The following NECTIN4 variants were observed in gnomAD, a reference collection of about 807,000 sequenced individuals.
NECTIN4 encodes nectin-4.
A neutral mutation model predicts 51.7 loss-of-function variants in NECTIN4; 19 were observed. The ratio of observed to expected loss-of-function variants is 0.37; its 90% CI spans 0.26 to 0.54. The LOEUF (loss-of-function observed/expected upper bound fraction) is 0.54. Ranked by LOEUF, NECTIN4 falls within the 20% of genes least tolerant of loss-of-function variation. NECTIN4 has a pLI of 0.86. For synonymous variants in NECTIN4, 283 were observed against 286.9 expected, an observed-to-expected ratio of 0.99 and a Z score of 0.14; for missense variants, 619 against 662.4, an observed-to-expected ratio of 0.93 and a Z score of 0.72.
At chr1:161,076,876 A>G (rs1410054376) in intron 3 of NECTIN4, among the ~76,000 whole-genome samples, 1 of 152,204 alleles carries the variant, frequency 6.6e-6, no homozygotes, top group Non-Finnish European at 1.5e-5. Context: ...TTTGTTGAGG[A>G]CCTGCTTTGA....
At position 161,079,748 on chromosome 1, in the gene NECTIN4, T is replaced by G. The variant is rs1450262087; in HGVS notation, c.281A>C (p.Tyr94Ser). The G allele has an allele frequency of 6.2e-7, 1 of 1,611,378 alleles. No homozygotes were observed. Among genetic ancestry groups the G allele is most frequent in the Non-Finnish European group, 8.5e-7 (1 of 1,179,906 alleles). ...CGGCGGCTGCTCCACGCGGCCCTCG[T>G]AAGCCGGGCTCACATGAAGCCCGTA... ...SKYGLHVSPA[Y>S]EGRVEQPPPP... The change falls in exon 2 of 9, where the codon TAC (tyrosine) becomes TCC (serine). Residue 94 changes from tyrosine to serine, a missense_variant. Tyr to Ser is a moderately radical substitution (Grantham distance 144). Transcript: ENST00000368012.
rs139761589 is a variant in NECTIN4, at chr1:161,072,795, G to A, written c.1399C>T (p.Arg467Trp). The A allele has an allele frequency of 5.1e-5, 82 of 1,614,180 alleles. No individual in the cohort carries two copies. In the South Asian group the frequency reaches 5.4e-4, roughly 11 times the overall value. Reference sequence around the variant, plus strand: ...TCCTGATCTTCCTCCTCCTCGGCCCGCCCAGAGCCTGGAGACAGCAGTTCA... The same window carrying A: ...TCCTGATCTTCCTCCTCCTCGGCCCACCCAGAGCCTGGAGACAGCAGTTCA... The part of the protein sequence containing the change: ...QTELLSPGSG[R>W]AEEEEDQDEG... The change falls in exon 9 of 9, where the codon CGG (arginine) becomes TGG (tryptophan). Residue 467 changes from arginine to tryptophan, a missense_variant. This residue lies in a region of NECTIN4 where 364 missense variants were observed against 415.7 expected (regional missense o/e 0.88). Coordinates refer to ENST00000368012, the MANE Select transcript of NECTIN4 (RefSeq NM_030916.3).
intron 1 of NECTIN4, among the ~76,000 whole-genome samples, chr1:161,082,134 G>GACCAA (rs1469663189): frequency 1.3e-5 from 2 of 152,086 alleles, no homozygotes; most frequent in Admixed American, 1.3e-4. Context: ...TTTGAGACCA[G>GACCAA]CCTGGCCAAA....
At chr1:161,074,997 C>A (rs904074170) in intron 4 of NECTIN4, among the ~76,000 whole-genome samples, 4 of 152,220 alleles carry the variant, frequency 2.6e-5, no homozygotes, top group Non-Finnish European at 5.9e-5. Context: ...GTGTGCCATC[C>A]CACATGCTTC....
intron 2 of NECTIN4, among the ~76,000 whole-genome samples, chr1:161,078,369 A>G (rs993431508): frequency 2.0e-4 from 30 of 152,060 alleles, no homozygotes; most frequent in African/African-American, 6.8e-4. Context: ...GTGCAGTGGC[A>G]TGATCTCGGC....
intron 1 of NECTIN4, among the ~76,000 whole-genome samples, chr1:161,082,560 A>G (rs1012471229): frequency 3.9e-5 from 6 of 152,160 alleles, no homozygotes; most frequent in Non-Finnish European, 2.9e-5. Context: ...GAGGCAGCAC[A>G]TAGAGCACAG....
intron 1 of NECTIN4, among the ~76,000 whole-genome samples, chr1:161,088,758 C>T (rs1654057559): frequency 6.6e-6 from 1 of 152,162 alleles, no homozygotes; most frequent in Non-Finnish European, 1.5e-5. Context: ...GGGCATCAGG[C>T]TTCCTGCACC....
In NECTIN4 at chr1:161,089,162, GTC is replaced by G; in HGVS notation, c.79+54_79+55del. ...TGTGTCTATGTGTTTGTGCATGTGT[GTC>G]AGTGCCAGGTTGGGCTCAGAAGCAA... On this transcript the variant is annotated intron_variant, in intron 1 of 8. Transcript: ENST00000368012. This position sits in a 1 kb window ranked among gnomAD's most constrained non-coding sequence, Gnocchi z 4.1. 2 of 1,491,118 alleles carry G rather than the reference GTC, an allele frequency of 1.3e-6. No individual in the cohort carries two copies. The highest frequency in any genetic ancestry group is 1.9e-6 in the Non-Finnish European group (2 of 1,069,810). The allele number at this position is 1,491,118 out of a possible 1,614,324, so 92.4% of individuals were successfully genotyped here. A position where few individuals can be genotyped will look rare whatever the true frequency, so the allele number is the denominator to read the frequency against.
Position 161,074,754 on chromosome 1 carries a change from T to A in NECTIN4, c.857A>T (p.Asp286Val). Residue 286 changes from aspartate (D) to valine (V), a missense_variant, in exon 5 of 9, where the codon GAT (aspartate) becomes GTT (valine). Physicochemically the swap from Asp to Val is radical, Grantham distance 152 (BLOSUM62 -3). Around this residue, in one of 3 missense-constraint regions of NECTIN4, gnomAD observed 364 missense variants for 415.7 expected, o/e 0.88. Coordinates refer to ENST00000368012, the MANE Select transcript of NECTIN4 (RefSeq NM_030916.3). ...TCGTACCCCACTGGGCAGAGGCCCA[T>A]CCAGCCTGGAAGACAGGGAAGCTGA... ...PPPSYNWTRL[D>V]GPLPSGVRVD... The A allele has an allele frequency of 6.2e-7, 1 of 1,613,342 alleles. No homozygotes were observed. Among genetic ancestry groups the A allele is most frequent in the Non-Finnish European group, 8.5e-7 (1 of 1,179,908 alleles).
rs202047041 is a variant in NECTIN4 at position 161,077,532 on chromosome 1, A to G, written c.651T>C (p.Asn217=). 8 of 1,614,072 alleles carry G rather than the reference A, an allele frequency of 5.0e-6. No individual in the cohort carries two copies. The East Asian group carries it at 1.8e-4, about 36-fold the overall frequency. Residue 217 remains asparagine (N), a synonymous_variant, in exon 3 of 9, where the codon AAT becomes AAC. Coordinates refer to ENST00000368012, the MANE Select transcript of NECTIN4 (RefSeq NM_030916.3). ...ACACCACACAAGTCAGTGGCTGCCC[A>G]TTCATGCTGCGGCTAGGCACCAAGT... ...EFHLVPSRSM[N]GQPLTCVVSH...
At chr1:161,075,950 C>T (rs1229294600) in intron 4 of NECTIN4, among the ~76,000 whole-genome samples, 1 of 151,954 alleles carries the variant, frequency 6.6e-6, no homozygotes, top group Non-Finnish European at 1.5e-5. Flanking sequence ...GTGGCGCGCA[C>T]CTGTAATCCC....
Position 161,075,799 on chromosome 1 carries a change from T to G in NECTIN4, c.851+556A>C, listed in dbSNP as rs943282489. Among the ~76,000 whole-genome samples, 5 of 148,452 alleles carry G rather than the reference T, an allele frequency of 3.4e-5. No individual in the cohort carries two copies. In the East Asian group the frequency reaches 8.1e-4, roughly 24 times the overall value. ...AAAAATAAAAATAAAAGACAAGGGC[T>G]GGGCGTGGTGGCTCACGCCTGTAAT... On this transcript the variant is annotated intron_variant, in intron 4 of 8. Transcript: ENST00000368012.
At position 161,079,894 on chromosome 1, in the gene NECTIN4, G is replaced by C. The variant is rs1454043656; in HGVS notation, c.135C>G (p.Gly45=). ...ETSDVVTVVL[G]QDAKLPCFYR... ...AGAAGCAGGGCAGTTTTGCGTCCTG[G>C]CCCAGCACCACAGTTACCACGTCTG... The change falls in exon 2 of 9, where the codon GGC becomes GGG. Residue 45 remains glycine, a synonymous_variant. Transcript: ENST00000368012. 1 of 1,613,490 alleles carries C rather than the reference G, an allele frequency of 6.2e-7. No individual in the cohort carries two copies. The highest frequency in any genetic ancestry group is 2.2e-5 in the East Asian group (1 of 44,876).
Position 161,079,874 on chromosome 1 carries a change from CA to C in NECTIN4, c.154del (p.Cys52AlafsTer28). The C allele has an allele frequency of 1.2e-6, 2 of 1,613,912 alleles. No individual in the cohort carries two copies. The highest frequency in any genetic ancestry group is 1.7e-6 in the Non-Finnish European group (2 of 1,180,008). ...CTCGCCGGAGTCCCCTCGGTAGAAG[CA>C]GGGCAGTTTTGCGTCCTGGCCCAGC... ...VVLGQDAKLP[C>X]FYRGDSGEQV... On this transcript the variant is annotated frameshift_variant, in exon 2 of 9. Transcript: ENST00000368012. LOFTEE classifies it high-confidence loss of function.
At chr1:161,086,108 G>A (rs1244736083) in intron 1 of NECTIN4, among the ~76,000 whole-genome samples, 2 of 152,142 alleles carry the variant, frequency 1.3e-5, no homozygotes, top group Admixed American at 1.3e-4. Context: ...TCAGAGCAAG[G>A]GCAAGTTTTT....
intron 1 of NECTIN4, among the ~76,000 whole-genome samples, chr1:161,083,324 C>T (rs1653783184): frequency 6.6e-6 from 1 of 152,200 alleles, no homozygotes; most frequent in Non-Finnish European, 1.5e-5. Context: ...CCCTAGAATC[C>T]CTGTCCTTGT....
At chr1:161,081,809 C>T (rs1302985585) in intron 1 of NECTIN4, among the ~76,000 whole-genome samples, 1 of 149,924 alleles carries the variant, frequency 6.7e-6, no homozygotes, top group East Asian at 1.9e-4. Context: ...CCTCCTCCCA[C>T]CCCCACCCCA....
intron 7 of NECTIN4, 130 bp from the exon 8 acceptor site, chr1:161,073,429 G>A (rs1402999176): frequency 3.8e-6 from 3 of 785,756 alleles, no homozygotes; most frequent in African/African-American, 1.7e-5. Context: ...ATTCTCTCCT[G>A]GAAACAAACA....
chr1:161,087,767 T>G (rs902808353), intron 1 of NECTIN4, among the ~76,000 whole-genome samples: 1 of 151,804 alleles, frequency 6.6e-6, no homozygotes, highest in Admixed American at 6.6e-5. Context: ...GAGATGTTTG[T>G]GTGTGTGCGT....
Sources: allele counts gnomAD v4.1 joint callset (sites outside exome capture counted in the v4.1 genomes callset), GRCh38; gene constraint gnomAD v4.1.1; regional missense constraint gnomAD v4.1.1; non-coding constraint Gnocchi (gnomAD v3.1); transcripts MANE v1.5; gene names NCBI Gene and HGNC (gene_info 2026-07-23, HGNC 2026-07-21).